Variants in TLN2 observed in about 807,000 individuals in gnomAD.
TLN2 encodes talin 2.
TLN2 carries 118 observed loss-of-function variants against 294.7 expected under a neutral mutation model. That is an observed-to-expected ratio of 0.40 (90% CI 0.34 to 0.47). TLN2 has a LOEUF of 0.47. Among genes scored for constraint, TLN2 ranks in the 20% least tolerant of loss-of-function variants. TLN2 has a pLI of 0.84. For missense variants in TLN2, 3,083 were observed against 3,282.2 expected (o/e 0.94, Z 1.48); for synonymous variants, 1,431 against 1,304.5 (o/e 1.10, Z -2.09).
At chr15:62,622,897 A>G (rs2048955865) in intron 3 of TLN2, among the ~76,000 whole-genome samples, 1 of 152,192 alleles carries the variant, frequency 6.6e-6, no homozygotes, top group South Asian at 2.1e-4. Context: ...AGCTGTCGAC[A>G]TAACATCCAT....
In TLN2 at chr15:62,810,042, C is replaced by T. The variant is rs767354498; in HGVS notation, c.6771+10C>T. The T allele has an allele frequency of 4.0e-5, 64 of 1,609,822 alleles. No individual in the cohort carries two copies. The Middle Eastern group carries it at 4.9e-4, about 12-fold the overall frequency. ...GGAGCACGTCTTGGTGGTAAGAAAG[C>T]GCATGAGTCAGGGCTGGGGAGTAGC... On this transcript the variant is annotated intron_variant, in intron 52 of 58. Transcript: ENST00000636159.
At chr15:62,656,837 G>A (rs1027537988) in intron 8 of TLN2, among the ~76,000 whole-genome samples, 2 of 152,180 alleles carry the variant, frequency 1.3e-5, no homozygotes, top group South Asian at 4.1e-4. Context: ...CCCCTTGAGG[G>A]TTATGTAATT....
intron 52 of TLN2, among the ~76,000 whole-genome samples, chr15:62,811,838 T>G (rs1471830049): frequency 1.3e-5 from 2 of 151,846 alleles, no homozygotes; most frequent in African/African-American, 4.8e-5. Flanking sequence ...ACTGTGAAAC[T>G]CCACCTCTAT....
At chr15:62,730,959 A>T (rs1208237144) in intron 28 of TLN2, among the ~76,000 whole-genome samples, 4 of 152,060 alleles carry the variant, frequency 2.6e-5, no homozygotes, top group Non-Finnish European at 5.9e-5. Flanking sequence ...TGTTTCCTAC[A>T]TCTTCTGTAC....
chr15:62,825,808 TTATATTATAA>T lies in TLN2; in HGVS notation c.7002+5204_7002+5213del, dbSNP rs1555521900. Among the ~76,000 whole-genome samples the T allele has an allele frequency of 8.6e-4, 5 of 5,810 alleles. 1 individual carries two copies. Among genetic ancestry groups the T allele is most frequent in the East Asian group, 5.9e-3 (1 of 170 alleles). 3.8% of individuals were successfully genotyped at this position (5,810 alleles called of 152,430 possible). A position where few individuals can be genotyped will look rare whatever the true frequency, so the allele number is the denominator to read the frequency against. ...TATATATTATAATATATATTATATA[TTATATTATAA>T]TATATATTATAATATATAATATATA... On this transcript the variant is annotated intron_variant, in intron 54 of 58. Coordinates refer to ENST00000636159, the MANE Select transcript of TLN2 (RefSeq NM_015059.3).
intron 12 of TLN2, among the ~76,000 whole-genome samples, chr15:62,690,090 C>T (rs1256729869): frequency 2.2e-5 from 2 of 89,988 alleles, no homozygotes; most frequent in South Asian, 4.0e-4. Context: ...GCCGGCCGGG[C>T]GGGGGGCTGA....
At chr15:62,837,458 C>T (rs1359570834) in intron 57 of TLN2, among the ~76,000 whole-genome samples, 1 of 152,198 alleles carries the variant, frequency 6.6e-6, no homozygotes, top group Non-Finnish European at 1.5e-5. Flanking sequence ...GCCATCCACA[C>T]TGACTCTTAT....
At chr15:62,402,141 A>G (rs2033072865) in intron 1 of TLN2, among the ~76,000 whole-genome samples, 1 of 152,192 alleles carries the variant, frequency 6.6e-6, no homozygotes, top group African/African-American at 2.4e-5. Context: ...AGTTTCACAA[A>G]ACAGTATTTA....
rs2060520319 is a variant in TLN2, at chr15:62,727,846, T to A, written c.3358+657T>A. ...AGTATGAGCACATTTCTTAAAAATA[T>A]GTATGGAAGGAAAGCTTAAGGAATT... is the stretch of plus-strand genomic sequence containing the variant. On this transcript the variant is annotated intron_variant, in intron 28 of 58. Transcript: ENST00000636159. 3.3e-5 allele frequency among the ~76,000 whole-genome samples: 5 copies of A among 152,232 alleles called. No individual in the cohort carries two copies. In the South Asian group the frequency reaches 1.0e-3, roughly 31 times the overall value.
At chr15:62,697,949 C>A in intron 15 of TLN2, 81 bp downstream of exon 15, 1 of 1,509,168 alleles carries the variant, frequency 6.6e-7, no homozygotes, top group Non-Finnish European at 8.9e-7. Context: ...CGGTGATGGG[C>A]TGAGTGTTGG....
At chr15:62,513,529 A>G (rs537497436) in intron 1 of TLN2, among the ~76,000 whole-genome samples, 2 of 152,364 alleles carry the variant, frequency 1.3e-5, no homozygotes, top group African/African-American at 4.8e-5. Flanking sequence ...CAGCTGGAAC[A>G]GTGGAGGGAG....
In TLN2 at chr15:62,701,307, A is replaced by G. The variant is rs375625587; in HGVS notation, c.1696+93A>G. 1.2e-3 allele frequency: 1,276 copies of G among 1,061,550 alleles called. 31 individuals carry two copies. The South Asian group carries it at 0.02, about 17-fold the overall frequency. 65.8% of individuals were successfully genotyped at this position (1,061,550 alleles called of 1,614,324 possible). On this transcript the variant is annotated intron_variant, in intron 17 of 58. Coordinates refer to ENST00000636159, the MANE Select transcript of TLN2 (RefSeq NM_015059.3). ...TAAAAAATAAGTTATCTGTTGATTG[A>G]AACAATAGACTTTATATTATGAGAG...
At chr15:62,404,707 G>GT (rs1475084763) in intron 1 of TLN2, among the ~76,000 whole-genome samples, 1 of 92,832 alleles carries the variant, frequency 1.1e-5, no homozygotes, top group East Asian at 1.3e-3. Flanking sequence ...GATCTTCCAA[G>GT]GGGGGCGTGG....
chr15:62,804,884 G>A (rs1306290934), intron 50 of TLN2, among the ~76,000 whole-genome samples: 1 of 151,606 alleles, frequency 6.6e-6, no homozygotes, highest in Non-Finnish European at 1.5e-5. Context: ...AGGGACAGAG[G>A]CACATTCAGC....
chr15:62,553,045 C>A (rs902496767), intron 1 of TLN2, among the ~76,000 whole-genome samples: 1 of 152,192 alleles, frequency 6.6e-6, no homozygotes, highest in Admixed American at 6.5e-5. Context: ...AATATATCCA[C>A]ATTATAAAAA....
intron 1 of TLN2, among the ~76,000 whole-genome samples, chr15:62,460,308 C>A (rs1267371772): frequency 2.0e-5 from 3 of 151,464 alleles, no homozygotes; most frequent in African/African-American, 7.3e-5. Context: ...TCTTGTTGCC[C>A]AGGCTGGAGT....
chr15:62,682,494 A>G (rs1203238475), intron 11 of TLN2, among the ~76,000 whole-genome samples: 2 of 152,106 alleles, frequency 1.3e-5, no homozygotes, highest in Non-Finnish European at 2.9e-5. Context: ...GAAAAGAAAG[A>G]CTTCAGTTTG....
chr15:62,651,872 A>G, intron 5 of TLN2, 133 bp from the exon 6 acceptor site: 1 of 1,095,898 alleles, frequency 9.1e-7, no homozygotes, highest in Non-Finnish European at 1.2e-6. Context: ...AGGTTTTCAA[A>G]GATGTTTTAG....
intron 1 of TLN2, among the ~76,000 whole-genome samples, chr15:62,459,348 T>C (rs552682661): frequency 5.9e-5 from 9 of 151,646 alleles, no homozygotes; most frequent in African/African-American, 1.9e-4. Flanking sequence ...TTTGCTGCTC[T>C]TTCTACCTCA....
Sources: gnomAD v4.1 joint callset for allele counts (sites outside exome capture counted in the v4.1 genomes callset) on GRCh38, gnomAD v4.1.1 for gene constraint, MANE v1.5 for transcripts, NCBI Gene and HGNC (gene_info 2026-07-23, HGNC 2026-07-21) for gene names.